ZC3H15: variants seen among roughly 807,000 people sequenced by gnomAD.
The protein encoded by ZC3H15 is zinc finger CCCH domain-containing protein 15.
A neutral mutation model predicts 51.2 loss-of-function variants in ZC3H15; 15 were observed. The ratio of observed to expected loss-of-function variants is 0.29; its 90% confidence interval spans 0.20 to 0.45. The LOEUF (loss-of-function observed/expected upper bound fraction) is 0.45, where lower values mean the gene tolerates loss of function less well. Ranked by LOEUF, ZC3H15 falls within the 20% of genes least tolerant of loss-of-function variation. The probability of loss-of-function intolerance (pLI) is 1.00; values close to 1 mark genes in which losing one functional copy is unlikely to be tolerated. For missense variants in ZC3H15, 381 were observed against 494.7 expected (o/e 0.77, Z 2.18); for synonymous variants, 144 against 162.8 (o/e 0.88, Z 0.88).
chr2:186,489,813 G>A (rs2105584699), intron 1 of ZC3H15, among the ~76,000 whole-genome samples: 1 of 152,300 alleles, frequency 6.6e-6, no homozygotes, highest in African/African-American at 2.4e-5. Flanking sequence ...CTGGGTTTGA[G>A]TCCCATGTTT....
rs918367129 is a variant in ZC3H15, at chr2:186,505,813, G to T, written c.938G>T (p.Arg313Leu). ...NDDDEEADDT[R>L]YTQGTGGDEV... Reference sequence around the variant, plus strand: ...GATGATGAGGAAGCAGATGATACCCGCTACACCCAGGGAACAGGTGGTGAT... The same window carrying T: ...GATGATGAGGAAGCAGATGATACCCTCTACACCCAGGGAACAGGTGGTGAT... The change falls in exon 8 of 10, where the codon CGC becomes CTC. Residue 313 changes from arginine to leucine, a missense_variant. This residue lies in a region of ZC3H15 where 215 missense variants were observed against 241.8 expected (regional missense o/e 0.89). Coordinates refer to ENST00000337859, the MANE Select transcript of ZC3H15 (RefSeq NM_018471.3). The T allele has an allele frequency of 6.2e-7, 1 of 1,613,862 alleles. No individual in the cohort carries two copies. The highest frequency in any genetic ancestry group is 8.5e-7 in the Non-Finnish European group (1 of 1,179,980).
intron 2 of ZC3H15, among the ~76,000 whole-genome samples, chr2:186,496,786 TGTAACACATTA>T (rs1172904675): frequency 2.0e-5 from 3 of 152,228 alleles, no homozygotes; most frequent in African/African-American, 7.2e-5. Flanking sequence ...TGTAGGCAGT[TGTAACACATTA>T]GTAATGATTT....
chr2:186,502,126 A>G (rs981051859), intron 4 of ZC3H15, among the ~76,000 whole-genome samples: 10 of 152,106 alleles, frequency 6.6e-5, no homozygotes, highest in African/African-American at 2.2e-4. Flanking sequence ...AGGCAGGAAG[A>G]ATCACTTGAG....
chr2:186,497,732 T>C (rs917761903), intron 2 of ZC3H15, among the ~76,000 whole-genome samples: 8 of 152,208 alleles, frequency 5.3e-5, no homozygotes, highest in African/African-American at 1.9e-4. Context: ...GGAAAGTGTT[T>C]TGAGTGGTGA....
chr2:186,486,857 C>CT (rs1211212446), intron 1 of ZC3H15: 3 of 188,482 alleles, frequency 1.6e-5, no homozygotes, highest in Non-Finnish European at 3.2e-5. Context: ...CATGACGAGT[C>CT]TTTGTGTTCG....
At chr2:186,501,150 C>G (rs1685376323) in intron 3 of ZC3H15, 123 bp from the exon 4 acceptor site, 1 of 953,536 alleles carries the variant, frequency 1.0e-6, no homozygotes, top group Non-Finnish European at 1.5e-6. Flanking sequence ...CCCATAAGTG[C>G]CGTTTTCCTC....
intron 1 of ZC3H15, among the ~76,000 whole-genome samples, chr2:186,491,127 G>A (rs941599391): frequency 1.3e-5 from 2 of 152,196 alleles, no homozygotes; most frequent in Non-Finnish European, 2.9e-5. Context: ...CAGATCTGCA[G>A]TGTGATATTT....
rs1574423408 is a variant in ZC3H15 at position 186,495,368 on chromosome 2, A to G, written c.177+34A>G. The G allele has an allele frequency of 3.3e-6, 4 of 1,212,874 alleles. No homozygotes were observed. In the East Asian group the frequency reaches 1.2e-4, roughly 37 times the overall value. 75.1% of individuals were successfully genotyped at this position (1,212,874 alleles called of 1,614,324 possible). Reference sequence around the variant, plus strand: ...TTTAAATGTCCATATCTTTTTATAAATGTAATATTAATATAGCCTCTGTTT... The same window carrying G: ...TTTAAATGTCCATATCTTTTTATAAGTGTAATATTAATATAGCCTCTGTTT... On this transcript the variant is annotated intron_variant, in intron 2 of 9. Coordinates refer to ENST00000337859, the MANE Select transcript of ZC3H15 (RefSeq NM_018471.3).
intron 9 of ZC3H15, among the ~76,000 whole-genome samples, chr2:186,507,061 T>C (rs1317883180): frequency 2.0e-5 from 3 of 152,142 alleles, no homozygotes; most frequent in African/African-American, 7.2e-5. Flanking sequence ...AAAATGAGCT[T>C]GGAGTTAAAG....
chr2:186,498,123 A>AT (rs548519877), intron 2 of ZC3H15, among the ~76,000 whole-genome samples: 321 of 152,298 alleles, frequency 2.1e-3, no homozygotes, highest in Non-Finnish European at 4.1e-3. Context: ...TGTGCTACCA[A>AT]TATGTCTGAG....
At chr2:186,502,459 T>C (rs943652926) in intron 4 of ZC3H15, 37 bp from the exon 5 acceptor site, 7 of 1,501,808 alleles carry the variant, frequency 4.7e-6, no homozygotes, top group Non-Finnish European at 5.5e-6. Context: ...GAGTAGTAGA[T>C]AAGATTACAG....
intron 6 of ZC3H15, among the ~76,000 whole-genome samples, chr2:186,504,912 A>G (rs1685444072): frequency 6.6e-6 from 1 of 152,154 alleles, no homozygotes; most frequent in South Asian, 2.1e-4. Flanking sequence ...CTTGTTAGCT[A>G]TTCATCTTTG....
intron 2 of ZC3H15, among the ~76,000 whole-genome samples, chr2:186,496,869 CAT>C (rs886160767): frequency 2.0e-5 from 3 of 152,166 alleles, no homozygotes; most frequent in African/African-American, 7.2e-5. Flanking sequence ...GGATTACTGT[CAT>C]ATGTGGTCCC....
intron 2 of ZC3H15, among the ~76,000 whole-genome samples, 186 bp downstream of exon 2, chr2:186,495,520 ACT>A (rs1402907749): frequency 6.6e-6 from 1 of 152,068 alleles, no homozygotes; most frequent in Non-Finnish European, 1.5e-5. Context: ...TTTTGATATA[ACT>A]CTCATTTATT....
intron 6 of ZC3H15, 58 bp from the exon 7 acceptor site, chr2:186,505,393 A>G (rs1048772807): frequency 2.1e-5 from 31 of 1,497,134 alleles, no homozygotes; most frequent in Non-Finnish European, 2.6e-5. Flanking sequence ...GATAACTGCA[A>G]CTAAGCACTA....
intron 1 of ZC3H15, among the ~76,000 whole-genome samples, chr2:186,491,108 T>C (rs1458475524): frequency 6.6e-6 from 1 of 152,182 alleles, no homozygotes; most frequent in Non-Finnish European, 1.5e-5. Flanking sequence ...AGAGGTGCTA[T>C]TGGTATCTCA....
In ZC3H15 at chr2:186,508,625, A is replaced by G. The variant is rs764272548; in HGVS notation, c.1173A>G (p.Gly391=). Residue 391 remains glycine, a synonymous_variant, in exon 10 of 10, where the codon GGA becomes GGG. Coordinates refer to ENST00000337859, the MANE Select transcript of ZC3H15 (RefSeq NM_018471.3). ...SDLEEDNERE[G]TENGAIDAVP... The stretch of plus-strand genomic sequence containing the variant: ...TGGAAGAGGACAACGAGAGGGAGGG[A>G]ACGGAAAATGGAGCCATTGATGCTG... The G allele has an allele frequency of 5.0e-6, 8 of 1,614,084 alleles. No homozygotes were observed. The highest frequency in any genetic ancestry group is 6.8e-6 in the Non-Finnish European group (8 of 1,179,986).
chr2:186,506,153 AAAAG>A (rs1685464080), intron 8 of ZC3H15: 1 of 400,242 alleles, frequency 2.5e-6, no homozygotes, highest in Admixed American at 3.5e-5. Context: ...TCCTCCCTCT[AAAAG>A]AGAGAGTTAT....
chr2:186,499,769 C>T (rs1307400361), intron 2 of ZC3H15: 1 of 348,120 alleles, frequency 2.9e-6, no homozygotes, highest in East Asian at 8.4e-5. Context: ...CATGAGGGCA[C>T]TATATAGGTT....
Sources: gnomAD v4.1 joint callset for allele counts (sites outside exome capture counted in the v4.1 genomes callset) on GRCh38, gnomAD v4.1.1 for gene constraint, gnomAD v4.1.1 regional missense constraint, MANE v1.5 for transcripts, NCBI Gene and HGNC (gene_info 2026-07-23, HGNC 2026-07-21) for gene names.